Variants in TTC7B observed in about 807,000 individuals in gnomAD.
TTC7B encodes tetratricopeptide repeat domain 7B.
A neutral mutation model predicts 106.8 loss-of-function variants in TTC7B; 28 were observed. The observed-to-expected ratio is 0.26, with a 90% confidence interval of 0.19 to 0.36. The LOEUF is 0.36. TTC7B is among the 10% of genes least tolerant of loss of function. The probability of loss-of-function intolerance (pLI) is 1.00; values close to 1 mark genes in which losing one functional copy is unlikely to be tolerated. For missense variants in TTC7B, 862 were observed against 1,076.4 expected (o/e 0.80, Z 2.79); for synonymous variants, 405 against 430.6 (o/e 0.94, Z 0.74).
intron 18 of TTC7B, among the ~76,000 whole-genome samples, chr14:90,590,427 CT>C (rs1891907366): frequency 1.3e-5 from 2 of 152,216 alleles, no homozygotes; most frequent in Non-Finnish European, 1.5e-5. Flanking sequence ...CGAGCTCCCA[CT>C]GTACTCAGTT....
intron 4 of TTC7B, among the ~76,000 whole-genome samples, chr14:90,741,625 A>G (rs1204210333): frequency 6.6e-6 from 1 of 152,176 alleles, no homozygotes; most frequent in African/African-American, 2.4e-5. Flanking sequence ...TCAATTCAAC[A>G]TAATTCTTAC....
chr14:90,726,091 A>G (rs1330321659), intron 5 of TTC7B, among the ~76,000 whole-genome samples: 2 of 152,206 alleles, frequency 1.3e-5, no homozygotes, highest in Non-Finnish European at 2.9e-5. Flanking sequence ...GGGCCATAGA[A>G]TAAGACCTTG....
chr14:90,559,931 G>A (rs1890497373), intron 19 of TTC7B, among the ~76,000 whole-genome samples: 1 of 152,216 alleles, frequency 6.6e-6, no homozygotes, highest in African/African-American at 2.4e-5. Flanking sequence ...CCCCCACCGT[G>A]CTACCCTTCC....
intron 18 of TTC7B, among the ~76,000 whole-genome samples, chr14:90,579,516 G>A (rs1891398466): frequency 6.6e-6 from 1 of 152,220 alleles, no homozygotes; most frequent in African/African-American, 2.4e-5. Context: ...AGAAAGTTTA[G>A]GCAAGTTGCG....
At position 90,605,666 on chromosome 14, in the gene TTC7B, C is replaced by T. The variant is rs1044715825; in HGVS notation, c.1966+5076G>A. Reference sequence around the variant, plus strand: ...GCTGCAGGGGGCCACACAAAGGTATCGGGTTTGGGAGAATGAAGATGAGAA... The same window carrying T: ...GCTGCAGGGGGCCACACAAAGGTATTGGGTTTGGGAGAATGAAGATGAGAA... On this transcript the variant is annotated intron_variant, in intron 17 of 19. Coordinates refer to ENST00000328459, the MANE Select transcript of TTC7B (RefSeq NM_001010854.2). 13 of 1,288,590 alleles carry T rather than the reference C, an allele frequency of 1.0e-5. No homozygotes were observed. In the African/African-American group the frequency reaches 1.4e-4, roughly 14 times the overall value. The allele number at this position is 1,288,590 out of a possible 1,614,324, so 79.8% of individuals were successfully genotyped here.
intron 19 of TTC7B, among the ~76,000 whole-genome samples, chr14:90,550,498 C>T (rs1256402593): frequency 2.6e-5 from 4 of 152,220 alleles, no homozygotes; most frequent in African/African-American, 9.7e-5. Context: ...CCACCCTCCC[C>T]TCTCTCAAAG....
At chr14:90,685,842 T>A (rs1444942854) in intron 7 of TTC7B, among the ~76,000 whole-genome samples, 2 of 151,914 alleles carry the variant, frequency 1.3e-5, no homozygotes, top group Non-Finnish European at 2.9e-5. Flanking sequence ...GAGATTGAAT[T>A]AGCATTTAAA....
chr14:90,562,104 C>T (rs1043109834), intron 19 of TTC7B, among the ~76,000 whole-genome samples: 7 of 152,152 alleles, frequency 4.6e-5, no homozygotes, highest in Admixed American at 3.9e-4. Context: ...AAACCATCGC[C>T]CCAGCCCGGC....
chr14:90,590,017 G>C (rs967462826), intron 18 of TTC7B, among the ~76,000 whole-genome samples: 2 of 152,164 alleles, frequency 1.3e-5, no homozygotes, highest in Non-Finnish European at 2.9e-5. Context: ...GGGGTGGTGG[G>C]GGACAAAGTA....
chr14:90,704,204 G>A (rs1372454909), intron 5 of TTC7B, among the ~76,000 whole-genome samples: 1 of 152,184 alleles, frequency 6.6e-6, no homozygotes, highest in Non-Finnish European at 1.5e-5. Context: ...CAGCTGCTAC[G>A]TCCCACCATC....
rs1362092389 is a variant in TTC7B at position 90,657,414 on chromosome 14, C to A, written c.1237-136G>T. 4 of 707,988 alleles carry A rather than the reference C, an allele frequency of 5.6e-6. No individual in the cohort carries two copies. Among genetic ancestry groups the A allele is most frequent in the Non-Finnish European group, 9.2e-6 (4 of 434,992 alleles). The allele number at this position is 707,988 out of a possible 1,614,324, so 43.9% of individuals were successfully genotyped here. A position where few individuals can be genotyped will look rare whatever the true frequency, so the allele number is the denominator to read the frequency against. ...AACTTTAAGCCCAAGCAAGCGGGGG[C>A]CTGAGGTGCATGAAAACCAGAGCCT... On this transcript the variant is annotated intron_variant, in intron 10 of 19. Transcript: ENST00000328459. This position sits in a 1 kb window ranked among gnomAD's most constrained non-coding sequence, Gnocchi z 4.2.
At chr14:90,723,248 C>A (rs557876005) in intron 5 of TTC7B, among the ~76,000 whole-genome samples, 1 of 152,336 alleles carries the variant, frequency 6.6e-6, no homozygotes, top group Admixed American at 6.5e-5. Context: ...AATCCACCAG[C>A]AGTCCTAACT....
At chr14:90,698,028 G>A (rs1009345154) in intron 5 of TTC7B, 12 of 152,108 alleles carry the variant, frequency 7.9e-5, no homozygotes, top group African/African-American at 1.4e-4. Context: ...CAATGAATGC[G>A]GCACCCAGAA....
intron 18 of TTC7B, among the ~76,000 whole-genome samples, chr14:90,580,283 C>T (rs1375865040): frequency 1.1e-4 from 17 of 152,204 alleles, no homozygotes; most frequent in Admixed American, 1.1e-3. Context: ...TAAACATGTG[C>T]TTTGTACCTA....
intron 15 of TTC7B, among the ~76,000 whole-genome samples, chr14:90,635,626 G>A (rs993146213): frequency 6.6e-6 from 1 of 151,888 alleles, no homozygotes; most frequent in African/African-American, 2.4e-5. Flanking sequence ...CAGGTATGGT[G>A]GTGGACACCT....
At chr14:90,775,232 G>A (rs1046474378) in intron 3 of TTC7B, among the ~76,000 whole-genome samples, 2 of 152,042 alleles carry the variant, frequency 1.3e-5, no homozygotes, top group Non-Finnish European at 2.9e-5. Flanking sequence ...AATCATTTGT[G>A]GTCAAACCCA....
rs1566777202 is a variant in TTC7B, at chr14:90,573,445, C to CT, written c.2310+4660_2310+4661insA. On this transcript the variant is annotated intron_variant, in intron 19 of 19. Coordinates refer to ENST00000328459, the MANE Select transcript of TTC7B (RefSeq NM_001010854.2). ...TCCCTCTCCGGCTCACGGTCCCTCT[C>CT]AGCTCACGGTCCCTCTCCGGCTCAC... Among the ~76,000 whole-genome samples the CT allele has an allele frequency of 1.8e-3, 201 of 111,070 alleles. 2 individuals are homozygous for CT. Among genetic ancestry groups the CT allele is most frequent in the African/African-American group, 2.5e-3 (73 of 29,178 alleles). 72.9% of individuals were successfully genotyped at this position (111,070 alleles called of 152,430 possible). A position where few individuals can be genotyped will look rare whatever the true frequency, so the allele number is the denominator to read the frequency against.
At chr14:90,603,599 G>C (rs1403961547) in intron 17 of TTC7B, among the ~76,000 whole-genome samples, 1 of 152,140 alleles carries the variant, frequency 6.6e-6, no homozygotes, top group Non-Finnish European at 1.5e-5. Flanking sequence ...CCAAAGGGAA[G>C]GGAAAAATAA....
intron 17 of TTC7B, among the ~76,000 whole-genome samples, chr14:90,609,305 G>C (rs566271085): frequency 1.6e-4 from 25 of 152,316 alleles, no homozygotes; most frequent in Middle Eastern, 3.4e-3. Context: ...ACCAATTTAC[G>C]ATTTGTGCCG....
Sources: allele counts gnomAD v4.1 joint callset (sites outside exome capture counted in the v4.1 genomes callset), GRCh38; gene constraint gnomAD v4.1.1; non-coding constraint Gnocchi (gnomAD v3.1); transcripts MANE v1.5; gene names NCBI Gene and HGNC (gene_info 2026-07-23, HGNC 2026-07-21).